AFF2: variants seen among roughly 807,000 people sequenced by gnomAD.
AFF2 encodes the protein ALF transcription elongation factor 2.
In AFF2, 14 loss-of-function variants were observed where a neutral mutation model predicts 76.9. The observed-to-expected ratio is 0.18, with a 90% CI of 0.12 to 0.28. The LOEUF (loss-of-function observed/expected upper bound fraction) is 0.28. AFF2 is among the 10% of genes least tolerant of loss of function. The pLI is 1.00. For synonymous variants in AFF2, 398 were observed against 366.7 expected (o/e 1.09, Z -0.98); for missense variants, 868 against 1,001.1 (o/e 0.87, Z 1.79).
intron 7 of AFF2, among the ~76,000 whole-genome samples, chrX:148,864,599 G>A (rs187175174): frequency 1.8e-5 from 2 of 112,229 alleles, no homozygotes; most frequent in Non-Finnish European, 3.8e-5. Flanking sequence ...CCTAGCTCAG[G>A]CTAGCTAATG....
chrX:148,566,316 C>A (rs1557241628), intron 1 of AFF2, among the ~76,000 whole-genome samples: 1 of 111,483 alleles, frequency 9.0e-6, no homozygotes, highest in South Asian at 3.7e-4. Flanking sequence ...ATGCTGATTT[C>A]TTCCCAGAAG....
At chrX:148,614,711 TTCTTTC>T (rs1168412537) in intron 1 of AFF2, among the ~76,000 whole-genome samples, 1,181 of 45,292 alleles carry the variant, frequency 0.026, 30 homozygotes, top group African/African-American at 0.13. Context: ...CTTTCTTTCT[TTCTTTC>T]TTTCTTTCTT....
At chrX:148,508,892 T>C (rs1268720967) in intron 1 of AFF2, among the ~76,000 whole-genome samples, 1 of 111,415 alleles carries the variant, frequency 9.0e-6, no homozygotes, top group Non-Finnish European at 1.9e-5. Context: ...CTTTGGATCA[T>C]GTGATCCAAA....
Position 148,956,558 on chromosome X carries a change from A to G in AFF2, c.2513A>G (p.Gln838Arg), listed in dbSNP as rs1557287421. Residue 838 changes from glutamine to arginine, a missense_variant, in exon 11 of 21, where the codon CAG becomes CGG. Gln to Arg is a conservative substitution (Grantham distance 43, BLOSUM62 1). Transcript: ENST00000370460. Reference protein sequence around the residue: ...HKETATKPKRQTAVTAVEKPA... With the variant: ...HKETATKPKRRTAVTAVEKPA... ...GAGACTGCCACAAAACCCAAGCGTC[A>G]GACAGCTGTCACAGCTGTGGAGAAA... is the stretch of plus-strand genomic sequence containing the variant. 1.7e-6 allele frequency: 2 copies of G among 1,211,930 alleles called. No individual in the cohort carries two copies. Among genetic ancestry groups the G allele is most frequent in the Admixed American group, 4.3e-5 (2 of 46,108 alleles).
chrX:148,703,127 A>G (rs1200773584), intron 3 of AFF2, among the ~76,000 whole-genome samples: 2 of 112,121 alleles, frequency 1.8e-5, no homozygotes. Context: ...ATAAAGGCAT[A>G]GTGTCAAGGC....
At chrX:148,648,099 A>G (rs2054161241) in intron 1 of AFF2, among the ~76,000 whole-genome samples, 1 of 112,328 alleles carries the variant, frequency 8.9e-6, no homozygotes, top group South Asian at 3.7e-4. Context: ...GTACTTGAAG[A>G]TGGAAGAAAC....
chrX:148,909,480 C>G (rs1207866833), intron 9 of AFF2, among the ~76,000 whole-genome samples: 1 of 111,919 alleles, frequency 8.9e-6, no homozygotes. Flanking sequence ...ACCACTCTTT[C>G]AATTTATTTT....
chrX:148,501,108 T>G lies in AFF2; in HGVS notation c.11T>G (p.Phe4Cys). The G allele has an allele frequency of 8.3e-7, 1 of 1,210,546 alleles. No homozygotes were observed. Among genetic ancestry groups the G allele is most frequent in the Non-Finnish European group, 1.1e-6 (1 of 894,788 alleles). ...CGCCGCCTGGCCGCTATGGATCTAT[T>G]CGACTTTTTCAGAGACTGGGACTTG... MDL[F>C]DFFRDWDLEQ... Residue 4 changes from phenylalanine (F) to cysteine (C), a missense_variant, in exon 1 of 21, where the codon TTC (phenylalanine) becomes TGC (cysteine). By Grantham distance (205) the Phe-to-Cys change is radical. Transcript: ENST00000370460.
chrX:148,692,379 A>G (rs148791835), intron 3 of AFF2, among the ~76,000 whole-genome samples: 1,175 of 111,983 alleles, frequency 0.01, 1 homozygote, highest in Non-Finnish European at 0.018. Flanking sequence ...ATTGCCCTCT[A>G]TCGTAATAAG....
At chrX:148,660,254 G>A (rs1184289227) in intron 2 of AFF2, among the ~76,000 whole-genome samples, 4 of 111,575 alleles carry the variant, frequency 3.6e-5, no homozygotes, top group African/African-American at 9.8e-5. Context: ...CTGATAATGA[G>A]GCCAAGATTA....
intron 1 of AFF2, among the ~76,000 whole-genome samples, chrX:148,533,685 T>C (rs782234135): frequency 8.9e-6 from 1 of 111,833 alleles, no homozygotes; most frequent in Non-Finnish European, 1.9e-5. Context: ...TGAACCAAAA[T>C]AAAGAGAATA....
At chrX:148,752,061 C>G (rs1557266523) in intron 3 of AFF2, among the ~76,000 whole-genome samples, 1 of 110,967 alleles carries the variant, frequency 9.0e-6, no homozygotes, top group African/African-American at 3.3e-5. Flanking sequence ...GGTACCAATC[C>G]CATTCATGAA....
intron 1 of AFF2, among the ~76,000 whole-genome samples, chrX:148,570,700 G>C (rs1484008794): frequency 2.7e-5 from 3 of 111,328 alleles, no homozygotes; most frequent in Non-Finnish European, 3.8e-5. Flanking sequence ...AGTTCTAGAG[G>C]CTATAACTTC....
chrX:148,646,509 A>G (rs1212994507), intron 1 of AFF2, among the ~76,000 whole-genome samples: 1 of 111,845 alleles, frequency 8.9e-6, no homozygotes, highest in Non-Finnish European at 1.9e-5. Context: ...ATGCTCCTAC[A>G]TTGAAATATT....
intron 3 of AFF2, among the ~76,000 whole-genome samples, chrX:148,726,990 A>T (rs782160012): frequency 2.7e-5 from 3 of 112,231 alleles, no homozygotes; most frequent in African/African-American, 6.5e-5. Flanking sequence ...TGTGGCAGGC[A>T]TCCTTTTTCT....
At chrX:148,625,364 A>G (rs781912750) in intron 1 of AFF2, among the ~76,000 whole-genome samples, 1 of 111,181 alleles carries the variant, frequency 9.0e-6, no homozygotes, top group South Asian at 3.8e-4. Context: ...TCACTGACAG[A>G]TTTGCTTAGT....
chrX:148,530,555 A>T (rs895492458), intron 1 of AFF2, among the ~76,000 whole-genome samples: 2 of 103,875 alleles, frequency 1.9e-5, no homozygotes, highest in African/African-American at 7.1e-5. Flanking sequence ...ATGCGTTGAG[A>T]TTTCCTAAGT....
At chrX:148,886,340 G>A (rs1369063403) in intron 8 of AFF2, among the ~76,000 whole-genome samples, 1 of 111,085 alleles carries the variant, frequency 9.0e-6, no homozygotes, top group African/African-American at 3.3e-5. Context: ...GGTGACTCTG[G>A]TGTGAGGCTT....
At chrX:148,723,305 C>T (rs1557263973) in intron 3 of AFF2, among the ~76,000 whole-genome samples, 1 of 111,885 alleles carries the variant, frequency 8.9e-6, no homozygotes, top group Admixed American at 9.5e-5. Flanking sequence ...CAAAATATCT[C>T]TTCTACCACA....
Sources: allele counts gnomAD v4.1 joint callset (sites outside exome capture counted in the v4.1 genomes callset), GRCh38; gene constraint gnomAD v4.1.1; transcripts MANE v1.5; gene names NCBI Gene and HGNC (gene_info 2026-07-23, HGNC 2026-07-21).